EVI5: variants seen among roughly 807,000 people sequenced by gnomAD.
EVI5 encodes the protein ecotropic viral integration site 5.
Under a neutral mutation model 112.0 loss-of-function variants are expected in EVI5, and 73 were observed. That is an observed-to-expected ratio of 0.65 (90% confidence interval 0.54 to 0.79). The LOEUF (loss-of-function observed/expected upper bound fraction) is 0.79, where lower values mean the gene tolerates loss of function less well. Among genes scored for constraint, EVI5 ranks in the 30% least tolerant of loss-of-function variants. EVI5 has a pLI of 0.00. For missense variants in EVI5, 900 were observed against 968.8 expected (o/e 0.93, Z 0.94); for synonymous variants, 305 against 319.9 (o/e 0.95, Z 0.50).
Position 92,736,408 on chromosome 1 carries a change from C to T in EVI5, c.139G>A (p.Glu47Lys). The T allele has an allele frequency of 6.2e-7, 1 of 1,605,898 alleles. No individual in the cohort carries two copies. ...AGCAACCTCACTCACCTATTCTGTTCTTCCAGTTTAGCCAGGAGTTCTAAG... is the reference window on the plus strand; with the variant it reads ...AGCAACCTCACTCACCTATTCTGTTTTTCCAGTTTAGCCAGGAGTTCTAAG... ...DDLELLAKLE[E>K]QNRLLETDSK... The change falls in exon 2 of 20, where the codon GAA (glutamate) becomes AAA (lysine). Residue 47 changes from glutamate to lysine, a missense_variant. Physicochemically the swap from Glu to Lys is moderately conservative, Grantham distance 56. Coordinates refer to ENST00000684568, the MANE Select transcript of EVI5 (RefSeq NM_001350197.2).
In EVI5 at chr1:92,613,131, G is replaced by A. The variant is rs141214697; in HGVS notation, c.1828-5404C>T. Among the ~76,000 whole-genome samples the A allele has an allele frequency of 2.8e-3, 428 of 152,062 alleles. 6 individuals are homozygous for A. Among genetic ancestry groups the A allele is most frequent in the African/African-American group, 1.0e-2 (413 of 41,496 alleles). On this transcript the variant is annotated intron_variant, in intron 16 of 19. Transcript: ENST00000684568. Reference sequence around the variant, plus strand: ...TCTGTGTGGATCAGGGCCAAGAAACGCTGCTGTCTTTGGGGCACTGGTGAA... The same window carrying A: ...TCTGTGTGGATCAGGGCCAAGAAACACTGCTGTCTTTGGGGCACTGGTGAA...
intron 13 of EVI5, among the ~76,000 whole-genome samples, chr1:92,654,691 G>A (rs1662716635): frequency 6.6e-6 from 1 of 152,090 alleles, no homozygotes; most frequent in Admixed American, 6.6e-5. Flanking sequence ...TGAAATCTCT[G>A]AAATACCATA....
chr1:92,696,030 A>C (rs1227126779), intron 6 of EVI5, among the ~76,000 whole-genome samples: 2 of 151,598 alleles, frequency 1.3e-5, no homozygotes, highest in Non-Finnish European at 2.9e-5. Context: ...TCCCAAGCTC[A>C]AGCAATCCTC....
chr1:92,540,759 T>C (rs1028948497), intron 19 of EVI5, among the ~76,000 whole-genome samples: 6 of 152,142 alleles, frequency 3.9e-5, no homozygotes, highest in Admixed American at 3.9e-4. Context: ...TTTCCGTAAG[T>C]CTCATTTCCT....
At chr1:92,735,592 ATAT>A (rs1263118658) in intron 2 of EVI5, among the ~76,000 whole-genome samples, 2 of 146,684 alleles carry the variant, frequency 1.4e-5, no homozygotes, top group African/African-American at 5.0e-5. Flanking sequence ...TATAATGTAT[ATAT>A]TATATTATGT....
At chr1:92,658,167 A>G (rs1233713246) in intron 13 of EVI5, among the ~76,000 whole-genome samples, 1 of 152,218 alleles carries the variant, frequency 6.6e-6, no homozygotes. Flanking sequence ...CACTCCTCTA[A>G]GATCTGGAAC....
chr1:92,581,570 C>T (rs754768483), intron 18 of EVI5, among the ~76,000 whole-genome samples: 6 of 152,280 alleles, frequency 3.9e-5, no homozygotes, highest in Middle Eastern at 6.8e-3. Context: ...GGTTAGAAGC[C>T]AAGCCCTGGC....
At chr1:92,654,920 G>A (rs1031125410) in intron 13 of EVI5, among the ~76,000 whole-genome samples, 4 of 151,996 alleles carry the variant, frequency 2.6e-5, no homozygotes, top group South Asian at 2.1e-4. Context: ...CCAGTCAGAC[G>A]AAAATAAAGA....
At chr1:92,738,029 G>A (rs1219635267) in intron 1 of EVI5, among the ~76,000 whole-genome samples, 1 of 152,110 alleles carries the variant, frequency 6.6e-6, no homozygotes, top group Non-Finnish European at 1.5e-5. Flanking sequence ...AAAGTTGAAT[G>A]GCATAAGAGA....
rs561654732 is a variant in EVI5 at position 92,704,811 on chromosome 1, A to G, written c.150-67T>C. 1.5e-5 allele frequency: 9 copies of G among 611,398 alleles called. No individual in the cohort carries two copies. The South Asian group carries it at 3.5e-4, about 24-fold the overall frequency. 37.9% of individuals were successfully genotyped at this position (611,398 alleles called of 1,614,324 possible). ...TGATATTAGAAGAGGCATTGATGAT[A>G]CTTAGAGCTTTATTACTGCAATTTA... On this transcript the variant is annotated intron_variant, in intron 2 of 19. Coordinates refer to ENST00000684568, the MANE Select transcript of EVI5 (RefSeq NM_001350197.2).
chr1:92,758,913 G>T (rs1359308747), intron 1 of EVI5, among the ~76,000 whole-genome samples: 1 of 151,970 alleles, frequency 6.6e-6, no homozygotes, highest in Non-Finnish European at 1.5e-5. Context: ...GCCTAAAGAA[G>T]ACAAATACTG....
intron 1 of EVI5, among the ~76,000 whole-genome samples, chr1:92,773,050 A>C (rs540574258): frequency 4.0e-4 from 60 of 151,660 alleles, no homozygotes; most frequent in Middle Eastern, 3.4e-3. Flanking sequence ...TCTACTAAAA[A>C]TGCAAAATTA....
intron 1 of EVI5, among the ~76,000 whole-genome samples, chr1:92,773,112 A>G (rs1404715575): frequency 1.3e-5 from 2 of 149,410 alleles, no homozygotes; most frequent in East Asian, 4.1e-4. Flanking sequence ...AGGCTGAGCC[A>G]GGAGAATCTC....
intron 19 of EVI5, among the ~76,000 whole-genome samples, chr1:92,519,179 G>T (rs1660449870): frequency 6.6e-6 from 1 of 151,982 alleles, no homozygotes; most frequent in Non-Finnish European, 1.5e-5. Context: ...GTACATCAAG[G>T]AAAAAAGGCA....
intron 16 of EVI5, among the ~76,000 whole-genome samples, chr1:92,620,393 A>T (rs1206401401): frequency 6.6e-6 from 1 of 151,086 alleles, no homozygotes; most frequent in African/African-American, 2.4e-5. Flanking sequence ...AGTTTCCAAA[A>T]TTTGTGGCAT....
intron 1 of EVI5, chr1:92,784,196 A>G (rs975566553): frequency 3.9e-6 from 2 of 511,366 alleles, no homozygotes; most frequent in African/African-American, 4.1e-5. Context: ...ACAGACAGAC[A>G]CAGGGAAATC....
intron 1 of EVI5, among the ~76,000 whole-genome samples, chr1:92,771,784 A>G (rs963766989): frequency 6.0e-5 from 9 of 150,130 alleles, no homozygotes; most frequent in African/African-American, 1.2e-4. Flanking sequence ...GAATACATCA[A>G]TTTTCAAGTG....
At chr1:92,535,109 G>A (rs556882555) in intron 19 of EVI5, among the ~76,000 whole-genome samples, 14 of 152,046 alleles carry the variant, frequency 9.2e-5, no homozygotes, top group Admixed American at 3.9e-4. Context: ...AAAAGTGGAC[G>A]AAGGATATGA....
intron 19 of EVI5, among the ~76,000 whole-genome samples, chr1:92,559,667 G>A (rs148589927): frequency 0.026 from 3,883 of 151,416 alleles, 122 homozygotes; most frequent in African/African-American, 0.073. Context: ...CTAGCTACTC[G>A]GGAGGCTGAG....
Sources: allele counts gnomAD v4.1 joint callset (sites outside exome capture counted in the v4.1 genomes callset), GRCh38; gene constraint gnomAD v4.1.1; transcripts MANE v1.5; gene names NCBI Gene and HGNC (gene_info 2026-07-23, HGNC 2026-07-21).